Variants in TRPM3 observed in about 807,000 individuals in gnomAD.
The protein encoded by TRPM3 is transient receptor potential cation channel subfamily M member 3, also known as long transient receptor potential channel 3.
TRPM3 carries 77 observed loss-of-function variants against 181.2 expected under a neutral mutation model. The ratio of observed to expected loss-of-function variants is 0.42; its 90% CI spans 0.35 to 0.51. The LOEUF is 0.51. TRPM3 is among the 20% of genes least tolerant of loss of function. The pLI, the probability that TRPM3 is intolerant of heterozygous loss-of-function variation, is 0.01. For missense variants in TRPM3, 1,759 were observed against 2,196.7 expected (o/e 0.80, Z 3.98); for synonymous variants, 745 against 796.4 (o/e 0.94, Z 1.09).
intron 1 of TRPM3, among the ~76,000 whole-genome samples, chr9:70,875,000 C>A (rs1290254394): frequency 6.6e-6 from 1 of 151,838 alleles, no homozygotes; most frequent in Admixed American, 6.6e-5. Flanking sequence ...TTATTTTAGT[C>A]AATGGATGAT....
intron 1 of TRPM3, among the ~76,000 whole-genome samples, chr9:70,942,181 T>C (rs568332705): frequency 2.6e-4 from 40 of 152,302 alleles, no homozygotes; most frequent in African/African-American, 9.6e-4. Flanking sequence ...AGAGACAATC[T>C]TCCTTCCTAA....
intron 9 of TRPM3, among the ~76,000 whole-genome samples, chr9:70,657,390 G>T (rs2060512736): frequency 6.6e-6 from 1 of 151,240 alleles, no homozygotes; most frequent in African/African-American, 2.4e-5. Flanking sequence ...CTCATTTTCA[G>T]CTCATATAAG....
chr9:71,006,149 T>C (rs370678883), intron 1 of TRPM3, among the ~76,000 whole-genome samples: 24 of 152,304 alleles, frequency 1.6e-4, no homozygotes, highest in Non-Finnish European at 1.9e-4. Flanking sequence ...ATGTTTATAG[T>C]TAGCCCCGCG....
chr9:70,878,483 G>A (rs1052806439), intron 1 of TRPM3, among the ~76,000 whole-genome samples: 2 of 151,992 alleles, frequency 1.3e-5, no homozygotes, highest in African/African-American at 4.8e-5. Context: ...GGAGGTACAA[G>A]GCTTTCCTTG....
intron 1 of TRPM3, among the ~76,000 whole-genome samples, chr9:71,207,176 C>G (rs2079174078): frequency 6.6e-6 from 1 of 152,050 alleles, no homozygotes; most frequent in Non-Finnish European, 1.5e-5. Flanking sequence ...TATAAAAATT[C>G]ATTTTTCTTA....
chr9:70,549,244 GA>G (rs2045870280), intron 25 of TRPM3, among the ~76,000 whole-genome samples: 1 of 152,174 alleles, frequency 6.6e-6, no homozygotes, highest in African/African-American at 2.4e-5. Flanking sequence ...GCCTGGAACA[GA>G]ACTTCCCAAT....
Position 71,333,674 on chromosome 9 carries a change from C to T in TRPM3, c.183+112979G>A, listed in dbSNP as rs573810848. On this transcript the variant is annotated intron_variant, in intron 1 of 24. Transcript: ENST00000357533. ...GCAGACTCTTGTGATGACTTCAACC[C>T]TACAAGATAACTTGAGGGCAGTTTT... is the stretch of plus-strand genomic sequence containing the variant. 3.3e-5 allele frequency among the ~76,000 whole-genome samples: 5 copies of T among 152,004 alleles called. No homozygotes were observed. In the South Asian group the frequency reaches 1.0e-3, roughly 32 times the overall value.
chr9:71,403,764 T>G (rs141967298), intron 1 of TRPM3, among the ~76,000 whole-genome samples: 10 of 152,156 alleles, frequency 6.6e-5, no homozygotes, highest in Middle Eastern at 3.4e-3. Flanking sequence ...TATAAAATAG[T>G]TCTCATTGTC....
chr9:71,342,720 C>A (rs2091040578), intron 1 of TRPM3, among the ~76,000 whole-genome samples: 1 of 151,962 alleles, frequency 6.6e-6, no homozygotes, highest in Non-Finnish European at 1.5e-5. Context: ...AGATCTTTAC[C>A]CCAATCAGCC....
intron 10 of TRPM3, 31 bp from the exon 11 acceptor site, chr9:70,639,225 C>T (rs2057686974): frequency 6.2e-7 from 1 of 1,611,162 alleles, no homozygotes; most frequent in Non-Finnish European, 8.5e-7. Flanking sequence ...TTAGTCTGCC[C>T]CAGGGTCTAT....
At chr9:71,304,174 G>GTACATAAAATGTCTA (rs1187865378) in intron 1 of TRPM3, among the ~76,000 whole-genome samples, 12 of 152,198 alleles carry the variant, frequency 7.9e-5, no homozygotes, top group African/African-American at 2.9e-4. Context: ...TGTCTACACA[G>GTACATAAAATGTCTA]CTATAGAGAT....
chr9:71,047,487 G>T (rs1008749723), intron 1 of TRPM3, among the ~76,000 whole-genome samples: 8 of 152,040 alleles, frequency 5.3e-5, no homozygotes, highest in Non-Finnish European at 1.0e-4. Flanking sequence ...AAGAATGTAC[G>T]CATGTCACAT....
rs1565557445 is a variant in TRPM3 at position 71,420,791 on chromosome 9, G to GAGAGAAAGAA, written c.183+25852_183+25861dup. On this transcript the variant is annotated intron_variant, in intron 1 of 24. Coordinates refer to the TRPM3 transcript ENST00000357533. ...AAAGAGAGAGAAAGAGAGAGAAAGA[G>GAGAGAAAGAA]AGAGAAAGAAAGAGAGAAAGAAAGA... 1.4e-4 allele frequency among the ~76,000 whole-genome samples: 7 copies of GAGAGAAAGAA among 50,082 alleles called. 1 individual carries two copies. The South Asian group carries it at 2.6e-3, about 18-fold the overall frequency. The allele number at this position is 50,082 out of a possible 152,430, so 32.9% of individuals were successfully genotyped here.
intron 1 of TRPM3, among the ~76,000 whole-genome samples, chr9:71,437,357 G>A (rs922827422): frequency 6.6e-6 from 1 of 152,066 alleles, no homozygotes; most frequent in Admixed American, 6.6e-5. Flanking sequence ...TTCTTAGCCT[G>A]TAAGCTAAGA....
intron 1 of TRPM3, among the ~76,000 whole-genome samples, chr9:71,066,442 T>A (rs1449228744): frequency 6.6e-6 from 1 of 152,170 alleles, no homozygotes; most frequent in Non-Finnish European, 1.5e-5. Context: ...ATATTTGAAA[T>A]TGTAAAAAAT....
chr9:70,616,078 A>G lies in TRPM3; in HGVS notation c.2359-3T>C. ...GGAAGTAGAATTCCCAGAATTACCTAAAGTAATAATAATGATAATAATAAT... is the reference window on the plus strand; with the variant it reads ...GGAAGTAGAATTCCCAGAATTACCTGAAGTAATAATAATGATAATAATAAT... On this transcript the variant is annotated splice_region_variant and splice_polypyrimidine_tract_variant and intron_variant, in intron 17 of 25. Coordinates refer to ENST00000677713, the MANE Select transcript of TRPM3 (RefSeq NM_001366145.2). 6.4e-7 allele frequency: 1 copy of G among 1,571,812 alleles called. No individual in the cohort carries two copies. Among genetic ancestry groups the G allele is most frequent in the Non-Finnish European group, 8.6e-7 (1 of 1,159,834 alleles).
chr9:70,693,551 T>C (rs2069216029), intron 8 of TRPM3, among the ~76,000 whole-genome samples: 1 of 152,234 alleles, frequency 6.6e-6, no homozygotes. Flanking sequence ...CTTTCATGTT[T>C]GTCAGGACAT....
intron 1 of TRPM3, among the ~76,000 whole-genome samples, chr9:71,169,343 C>T (rs1445138676): frequency 6.6e-6 from 1 of 152,150 alleles, no homozygotes; most frequent in Non-Finnish European, 1.5e-5. Context: ...AAACAGGACT[C>T]TCAACATTGA....
intron 1 of TRPM3, among the ~76,000 whole-genome samples, chr9:70,979,517 T>C (rs1019099741): frequency 3.2e-4 from 49 of 152,150 alleles, no homozygotes; most frequent in Non-Finnish European, 1.0e-4. Context: ...AACAGCAGAA[T>C]TTACTGGTAT....
Sources: allele counts gnomAD v4.1 joint callset (sites outside exome capture counted in the v4.1 genomes callset), GRCh38; gene constraint gnomAD v4.1.1; transcripts MANE v1.5; gene names NCBI Gene and HGNC (gene_info 2026-07-23, HGNC 2026-07-21).